Variants in DCP1A observed in about 807,000 individuals in gnomAD.
The protein encoded by DCP1A is mRNA-decapping enzyme 1A.
DCP1A carries 20 observed loss-of-function variants against 58.0 expected under a neutral mutation model. That is an observed-to-expected ratio of 0.34 (90% CI 0.24 to 0.50). The LOEUF is 0.50. DCP1A is among the 20% of genes least tolerant of loss of function. The pLI, the probability that DCP1A is intolerant of heterozygous loss-of-function variation, is 0.98. For synonymous variants in DCP1A, 285 were observed against 275.1 expected (o/e 1.04, Z -0.36); for missense variants, 613 against 712.2 (o/e 0.86, Z 1.59).
chr3:53,327,607 T>C (rs1299112524), intron 3 of DCP1A, among the ~76,000 whole-genome samples: 4 of 151,190 alleles, frequency 2.6e-5, no homozygotes, highest in South Asian at 2.1e-4. Context: ...CTGGCCAACA[T>C]AGTAAAACCC....
intron 2 of DCP1A, among the ~76,000 whole-genome samples, chr3:53,344,274 A>G (rs1332398454): frequency 6.6e-6 from 1 of 152,212 alleles, no homozygotes; most frequent in Non-Finnish European, 1.5e-5. Context: ...GTACCCCATG[A>G]CTATCATATA....
chr3:53,304,389 T>C (rs1707405572), intron 5 of DCP1A, 99 bp from the exon 6 acceptor site: 1 of 822,984 alleles, frequency 1.2e-6, no homozygotes, highest in South Asian at 1.7e-5. Flanking sequence ...TGTTATTTTT[T>C]AAAAAGAAGA....
Position 53,308,743 on chromosome 3 carries a change from G to A in DCP1A, c.510+3498C>T, listed in dbSNP as rs1409886063. Reference sequence around the variant, plus strand: ...GGAGTAGCTGGGACTACAGGTGTGTGCCACCATGCCTAACTAATTAAAAAA... The same window carrying A: ...GGAGTAGCTGGGACTACAGGTGTGTACCACCATGCCTAACTAATTAAAAAA... On this transcript the variant is annotated intron_variant, in intron 5 of 9. Transcript: ENST00000610213. Among the ~76,000 whole-genome samples the A allele has an allele frequency of 3.9e-5, 6 of 152,024 alleles. No individual in the cohort carries two copies. In the East Asian group the frequency reaches 1.2e-3, roughly 29 times the overall value.
chr3:53,338,588 G>A lies in DCP1A; in HGVS notation c.304+3556C>T, dbSNP rs554899639. Among the ~76,000 whole-genome samples, 176 of 152,220 alleles carry A rather than the reference G, an allele frequency of 1.2e-3. 2 individuals are homozygous for A. In the South Asian group the frequency reaches 0.026, roughly 23 times the overall value. On this transcript the variant is annotated intron_variant, in intron 3 of 9. Coordinates refer to ENST00000610213, the MANE Select transcript of DCP1A (RefSeq NM_018403.7). ...TATAAAGAAAAACTCTTGGCTGGGCGCGGTGGCTCACTCCTGTAATCCCAG... is the reference window on the plus strand; with the variant it reads ...TATAAAGAAAAACTCTTGGCTGGGCACGGTGGCTCACTCCTGTAATCCCAG...
intron 7 of DCP1A, among the ~76,000 whole-genome samples, chr3:53,291,216 G>A (rs898977455): frequency 1.8e-5 from 2 of 111,284 alleles, no homozygotes; most frequent in Admixed American, 1.7e-4. Context: ...TGGGTATATA[G>A]GTGTATGTAT....
chr3:53,326,677 T>TCA (rs1708111646), intron 3 of DCP1A, among the ~76,000 whole-genome samples: 1 of 152,244 alleles, frequency 6.6e-6, no homozygotes, highest in Non-Finnish European at 1.5e-5. Context: ...TAATGCCTGA[T>TCA]GATCTGTCAT....
At chr3:53,291,569 A>C (rs1396027717) in intron 7 of DCP1A, among the ~76,000 whole-genome samples, 2 of 152,024 alleles carry the variant, frequency 1.3e-5, no homozygotes, top group Non-Finnish European at 2.9e-5. Context: ...TCTGTCCTTC[A>C]GCCTGGGCAT....
intron 3 of DCP1A, among the ~76,000 whole-genome samples, chr3:53,323,509 T>C (rs1419829726): frequency 6.6e-6 from 1 of 152,114 alleles, no homozygotes; most frequent in African/African-American, 2.4e-5. Flanking sequence ...ATACAAAAAT[T>C]CGTTTTCCTT....
chr3:53,306,933 T>G (rs1553688130), intron 5 of DCP1A, among the ~76,000 whole-genome samples: 1 of 88,968 alleles, frequency 1.1e-5, no homozygotes, highest in Admixed American at 9.5e-5. Flanking sequence ...AGGCTGTTCT[T>G]TTTTTTTTTT....
intron 3 of DCP1A, chr3:53,329,385 A>T (rs1322256486): frequency 2.5e-6 from 1 of 398,500 alleles, no homozygotes; most frequent in Non-Finnish European, 4.4e-6. Context: ...GATGCCCGAT[A>T]TAAAGGAAAA....
intron 3 of DCP1A, among the ~76,000 whole-genome samples, chr3:53,334,849 C>A (rs1174812707): frequency 6.6e-6 from 1 of 152,084 alleles, no homozygotes; most frequent in Admixed American, 6.6e-5. Flanking sequence ...TCTGGGGAGA[C>A]AACTGCTGTT....
At chr3:53,296,739 T>G (rs948360458) in intron 6 of DCP1A, among the ~76,000 whole-genome samples, 1 of 152,260 alleles carries the variant, frequency 6.6e-6, no homozygotes, top group Non-Finnish European at 1.5e-5. Context: ...AATGTTCCAA[T>G]GCATGTATAT....
intron 4 of DCP1A, among the ~76,000 whole-genome samples, chr3:53,318,545 G>T (rs547950673): frequency 3.9e-5 from 6 of 152,182 alleles, no homozygotes; most frequent in African/African-American, 1.4e-4. Flanking sequence ...ATAGCATTTT[G>T]CCCAGAGCTC....
chr3:53,339,317 T>C (rs2089166275), intron 3 of DCP1A, among the ~76,000 whole-genome samples: 1 of 152,228 alleles, frequency 6.6e-6, no homozygotes, highest in South Asian at 2.1e-4. Flanking sequence ...GTGAGTTTTC[T>C]GTTCAACTAA....
intron 3 of DCP1A, among the ~76,000 whole-genome samples, chr3:53,322,453 G>GAA (rs1278339079): frequency 7.7e-6 from 1 of 130,346 alleles, no homozygotes. Context: ...CTCTGTCTCA[G>GAA]AAAAAAAAAA....
intron 4 of DCP1A, among the ~76,000 whole-genome samples, chr3:53,319,092 T>C (rs1335277673): frequency 6.6e-6 from 1 of 152,182 alleles, no homozygotes; most frequent in Admixed American, 6.5e-5. Flanking sequence ...TTTAATGCCC[T>C]GGAAAAATGC....
At chr3:53,338,388 G>A (rs2089150853) in intron 3 of DCP1A, among the ~76,000 whole-genome samples, 1 of 151,898 alleles carries the variant, frequency 6.6e-6, no homozygotes. Context: ...TTCAAGACCA[G>A]CCTGGGCAAC....
rs1046039530 is a variant in DCP1A, at chr3:53,347,320, G to A, written c.135+63C>T. The A allele has an allele frequency of 4.2e-6, 6 of 1,426,690 alleles. No individual in the cohort carries two copies. In the African/African-American group the frequency reaches 7.3e-5, roughly 17 times the overall value. 88.4% of individuals were successfully genotyped at this position (1,426,690 alleles called of 1,614,324 possible). On this transcript the variant is annotated intron_variant, in intron 1 of 9. Transcript: ENST00000610213. Reference sequence around the variant, plus strand: ...GTGCCCCCCCACCCCACAGTAACCCGCGCGGCCCCTTTAAGAGACGGCAGC... The same window carrying A: ...GTGCCCCCCCACCCCACAGTAACCCACGCGGCCCCTTTAAGAGACGGCAGC...
intron 3 of DCP1A, among the ~76,000 whole-genome samples, chr3:53,324,352 C>T (rs1708054646): frequency 6.6e-6 from 1 of 152,206 alleles, no homozygotes; most frequent in Non-Finnish European, 1.5e-5. Context: ...CAAGAAAGCC[C>T]AGGGAGCTGC....
Sources: allele counts gnomAD v4.1 joint callset (sites outside exome capture counted in the v4.1 genomes callset), GRCh38; gene constraint gnomAD v4.1.1; transcripts MANE v1.5; gene names NCBI Gene and HGNC (gene_info 2026-07-23, HGNC 2026-07-21).